C22orf42: variants seen among roughly 807,000 people sequenced by gnomAD.
C22orf42 encodes the protein chromosome 22 open reading frame 42, also known as uncharacterized protein C22orf42.
In C22orf42, 24 loss-of-function variants were observed where a neutral mutation model predicts 31.4. The ratio of observed to expected loss-of-function variants is 0.77; its 90% CI spans 0.55 to 1.08. The LOEUF is 1.08. Ranked by LOEUF, C22orf42 falls within the 50% of genes least tolerant of loss-of-function variation. The pLI is 0.00. For synonymous variants in C22orf42, 96 were observed against 112.7 expected, an observed-to-expected ratio of 0.85 and a Z score of 0.94; for missense variants, 276 against 327.3, an observed-to-expected ratio of 0.84 and a Z score of 1.21.
chr22:32,150,200 A>G, intron 7 of C22orf42, 119 bp downstream of exon 7: 1 of 1,076,798 alleles, frequency 9.3e-7, no homozygotes, highest in South Asian at 1.6e-5. Context: ...CCAGCCAACA[A>G]AAAAATTGTA....
At chr22:32,150,840 G>A (rs2094111806) in intron 6 of C22orf42, 152 bp downstream of exon 6, 1 of 783,284 alleles carries the variant, frequency 1.3e-6, no homozygotes, top group Admixed American at 2.6e-5. Flanking sequence ...GGGTTTCTTT[G>A]AGGGGGAATA....
chr22:32,159,533 G>A, upstream of C22orf42: 1 of 1,192,290 alleles, frequency 8.4e-7, no homozygotes. Flanking sequence ...CCTGAGAAAA[G>A]TGCAGGGGTT....
Position 32,149,430 on chromosome 22 carries a change from A to AAG in C22orf42, c.*108_*109dup. 7.8e-6 allele frequency: 10 copies of AAG among 1,285,684 alleles called. No individual in the cohort carries two copies. The highest frequency in any genetic ancestry group is 2.9e-4 in the Middle Eastern group (1 of 3,408). The allele number at this position is 1,285,684 out of a possible 1,614,324, so 79.6% of individuals were successfully genotyped here. A position where few individuals can be genotyped will look rare whatever the true frequency, so the allele number is the denominator to read the frequency against. The stretch of plus-strand genomic sequence containing the variant: ...TCACTGTTCACAGGTGCTCAGTAGG[A>AAG]AGAGAGAGAGGCTTGTGATTTTTTT... On this transcript the variant is annotated 3_prime_UTR_variant, in exon 9 of 9. Transcript: ENST00000382097.
At chr22:32,152,197 T>G in intron 3 of C22orf42, 103 bp from the exon 4 acceptor site, 1 of 1,381,172 alleles carries the variant, frequency 7.2e-7, no homozygotes, top group South Asian at 1.3e-5. Context: ...AAACCGGATG[T>G]GAAACAGTGA....
At chr22:32,159,357 C>T (rs892993537), upstream of C22orf42, 40 of 1,437,226 alleles carry the variant, frequency 2.8e-5, no homozygotes, top group African/African-American at 4.9e-4. Flanking sequence ...CCTATGTCAC[C>T]TGGTTGCCAG....
intron 6 of C22orf42, 120 bp downstream of exon 6, chr22:32,150,872 G>T: frequency 9.6e-7 from 1 of 1,038,176 alleles, no homozygotes; most frequent in Non-Finnish European, 1.5e-6. Flanking sequence ...AGATTAGATT[G>T]TAACAATGGT....
At chr22:32,157,314 T>C (rs1921316197) in intron 1 of C22orf42, among the ~76,000 whole-genome samples, 1 of 152,130 alleles carries the variant, frequency 6.6e-6, no homozygotes, top group Non-Finnish European at 1.5e-5. Context: ...GTCAGTCTTC[T>C]TCTTGGAGGA....
chr22:32,159,551 G>T (rs1921483942), upstream of C22orf42: 1 of 1,053,634 alleles, frequency 9.5e-7, no homozygotes. Context: ...GTTGGAGGTT[G>T]TTATTGGAAG....
At chr22:32,150,212 T>G in intron 7 of C22orf42, 107 bp downstream of exon 7, 1 of 1,160,720 alleles carries the variant, frequency 8.6e-7, no homozygotes, top group Non-Finnish European at 1.2e-6. Flanking sequence ...AAAATTGTAT[T>G]TGTCTTCTAT....
At chr22:32,154,024 C>CAT (rs1921124231) in intron 2 of C22orf42, among the ~76,000 whole-genome samples, 2 of 151,800 alleles carry the variant, frequency 1.3e-5, no homozygotes, top group Non-Finnish European at 2.9e-5. Flanking sequence ...TTCACACACA[C>CAT]ACACACACAC....
upstream of C22orf42, chr22:32,159,433 A>C: frequency 2.1e-6 from 3 of 1,405,676 alleles, no homozygotes; most frequent in East Asian, 2.7e-5. Context: ...ATGCCTCACA[A>C]TGCCCATCCC....
intron 1 of C22orf42, among the ~76,000 whole-genome samples, chr22:32,158,387 A>G (rs149021678): frequency 2.6e-5 from 4 of 152,250 alleles, no homozygotes; most frequent in African/African-American, 7.2e-5. Flanking sequence ...CACAAAAGCA[A>G]TTTCTTTACA....
Position 32,150,975 on chromosome 22 carries a change from T to C in C22orf42, c.493+17A>G, listed in dbSNP as rs773974764. Reference sequence around the variant, plus strand: ...TCAACTACACGTAAATAAAGCTGTTTAAAAAAAAATACGTACGGTGGTCGT... The same window carrying C: ...TCAACTACACGTAAATAAAGCTGTTCAAAAAAAAATACGTACGGTGGTCGT... On this transcript the variant is annotated intron_variant, in intron 6 of 8. Transcript: ENST00000382097. The C allele has an allele frequency of 1.4e-5, 22 of 1,576,136 alleles. No homozygotes were observed. The Middle Eastern group carries it at 6.7e-4, about 48-fold the overall frequency.
chr22:32,152,906 C>T (rs907138140), intron 2 of C22orf42, among the ~76,000 whole-genome samples: 5 of 152,164 alleles, frequency 3.3e-5, no homozygotes, highest in Non-Finnish European at 5.9e-5. Context: ...GCGACAGCAT[C>T]TCATCACACC....
At chr22:32,150,570 G>A in intron 6 of C22orf42, 91 bp from the exon 7 acceptor site, 1 of 1,357,156 alleles carries the variant, frequency 7.4e-7, no homozygotes, top group African/African-American at 1.4e-5. Flanking sequence ...TGGATCATGT[G>A]CAGGTGGGCG....
chr22:32,159,336 C>T (rs1292807906), upstream of C22orf42: 2 of 1,463,146 alleles, frequency 1.4e-6, no homozygotes, highest in Non-Finnish European at 1.8e-6. Flanking sequence ...TGCCTAGTAA[C>T]CACAAAACCT....
intron 1 of C22orf42, among the ~76,000 whole-genome samples, chr22:32,156,056 T>C (rs1397403624): frequency 6.6e-6 from 1 of 152,180 alleles, no homozygotes; most frequent in Non-Finnish European, 1.5e-5. Context: ...AAAGCATTAC[T>C]GAGTTACAAG....
Position 32,149,432 on chromosome 22 carries a change from G to A in C22orf42, c.*108C>T, listed in dbSNP as rs2094108069. The stretch of plus-strand genomic sequence containing the variant: ...ACTGTTCACAGGTGCTCAGTAGGAA[G>A]AGAGAGAGGCTTGTGATTTTTTTTT... On this transcript the variant is annotated 3_prime_UTR_variant, in exon 9 of 9. Transcript: ENST00000382097. 7.8e-7 allele frequency: 1 copy of A among 1,284,380 alleles called. No individual in the cohort carries two copies. The highest frequency in any genetic ancestry group is 1.5e-5 in the African/African-American group (1 of 66,958). 79.6% of individuals were successfully genotyped at this position (1,284,380 alleles called of 1,614,324 possible). A position where few individuals can be genotyped will look rare whatever the true frequency, so the allele number is the denominator to read the frequency against.
chr22:32,157,018 T>C (rs1164101696), intron 1 of C22orf42, among the ~76,000 whole-genome samples: 1 of 152,244 alleles, frequency 6.6e-6, no homozygotes, highest in Non-Finnish European at 1.5e-5. Context: ...GGAATTCCAC[T>C]CAGTAGGAGA....
Sources: gnomAD v4.1 joint callset for allele counts (sites outside exome capture counted in the v4.1 genomes callset) on GRCh38, gnomAD v4.1.1 for gene constraint, MANE v1.5 for transcripts, NCBI Gene and HGNC (gene_info 2026-07-23, HGNC 2026-07-21) for gene names.